The following SYT9 variants were observed in gnomAD, a reference collection of about 807,000 sequenced individuals.
SYT9 encodes the protein synaptotagmin-9.
Under a neutral mutation model 48.4 loss-of-function variants are expected in SYT9, and 22 were observed. The ratio of observed to expected loss-of-function variants is 0.45; its 90% CI spans 0.32 to 0.65. The LOEUF (loss-of-function observed/expected upper bound fraction) is 0.65, where lower values mean the gene tolerates loss of function less well. Among genes scored for constraint, SYT9 ranks in the 30% least tolerant of loss-of-function variants. The pLI, the probability that SYT9 is intolerant of heterozygous loss-of-function variation, is 0.03. For synonymous variants in SYT9, 265 were observed against 245.0 expected (o/e 1.08, Z -0.76); for missense variants, 577 against 622.0 (o/e 0.93, Z 0.77).
intron 1 of SYT9, among the ~76,000 whole-genome samples, chr11:7,272,387 C>T (rs1049197421): frequency 6.6e-6 from 1 of 152,112 alleles, no homozygotes; most frequent in Admixed American, 6.6e-5. Context: ...TTTCCTCCAC[C>T]CACCTTCTAG....
Position 7,416,101 on chromosome 11 carries a change from G to T in SYT9, c.1104G>T (p.Arg368Ser). Reference sequence around the variant, plus strand: ...TGTGCTATCTTCCAACGGCTGGCAGGCTGACCATTACCATTATAAAAGCAA... The same window carrying T: ...TGTGCTATCTTCCAACGGCTGGCAGTCTGACCATTACCATTATAAAAGCAA... ...FSLCYLPTAG[R>S]LTITIIKARN... is the part of the protein sequence containing the mutation. Residue 368 changes from arginine to serine, a missense_variant, in exon 4 of 7, where the codon AGG becomes AGT. Transcript: ENST00000318881. The T allele has an allele frequency of 6.2e-7, 1 of 1,614,162 alleles. No individual in the cohort carries two copies. The highest frequency in any genetic ancestry group is 8.5e-7 in the Non-Finnish European group (1 of 1,180,016).
intron 1 of SYT9, among the ~76,000 whole-genome samples, chr11:7,245,148 G>T (rs1324055031): frequency 6.6e-6 from 1 of 152,178 alleles, no homozygotes; most frequent in East Asian, 1.9e-4. Context: ...ATTTGAATTT[G>T]AATGCTGGCT....
chr11:7,464,172 G>C (rs1389521194), intron 6 of SYT9, among the ~76,000 whole-genome samples: 6 of 152,150 alleles, frequency 3.9e-5, no homozygotes, highest in Admixed American at 1.3e-4. Flanking sequence ...ACAGAACTGT[G>C]GGGGCAAACA....
chr11:7,330,855 C>T (rs973637963), intron 3 of SYT9, among the ~76,000 whole-genome samples: 12 of 152,134 alleles, frequency 7.9e-5, no homozygotes, highest in Non-Finnish European at 1.5e-4. Context: ...CACCACTACA[C>T]CTGGCTAATT....
intron 3 of SYT9, 89 bp from the exon 4 acceptor site, chr11:7,415,953 T>G (rs944798952): frequency 2.0e-6 from 3 of 1,518,664 alleles, no homozygotes; most frequent in Admixed American, 1.7e-5. Flanking sequence ...AGGGGCAGTG[T>G]GTTCCCTTTC....
chr11:7,379,724 C>T (rs1850525350), intron 3 of SYT9, among the ~76,000 whole-genome samples: 1 of 152,100 alleles, frequency 6.6e-6, no homozygotes. Flanking sequence ...ATGGTGGTTA[C>T]TCAACTGTCT....
intron 6 of SYT9, among the ~76,000 whole-genome samples, chr11:7,455,257 T>A (rs1848128711): frequency 6.6e-6 from 1 of 151,914 alleles, no homozygotes; most frequent in South Asian, 2.1e-4. Context: ...AGCACACATT[T>A]AATTGACTTT....
intron 3 of SYT9, among the ~76,000 whole-genome samples, chr11:7,363,679 T>C (rs1004642985): frequency 9.9e-5 from 15 of 151,932 alleles, no homozygotes; most frequent in African/African-American, 2.9e-4. Flanking sequence ...GCAAAGGAAA[T>C]TGAAAAGATA....
upstream of SYT9, among the ~76,000 whole-genome samples, chr11:7,247,610 T>C (rs559776192): frequency 6.8e-6 from 1 of 147,046 alleles, no homozygotes; most frequent in African/African-American, 2.5e-5. Context: ...TATATATACA[T>C]ATATACGTGT....
upstream of SYT9, among the ~76,000 whole-genome samples, chr11:7,250,559 C>T (rs1412291675): frequency 2.6e-5 from 4 of 151,736 alleles, no homozygotes; most frequent in African/African-American, 9.7e-5. Context: ...GCTCAACCTC[C>T]CCTACAGGCT....
Position 7,303,070 on chromosome 11 carries a change from C to G in SYT9, c.177C>G (p.Val59=). 1.2e-6 allele frequency: 2 copies of G among 1,614,182 alleles called. No homozygotes were observed. The highest frequency in any genetic ancestry group is 1.7e-6 in the Non-Finnish European group (2 of 1,180,030). The change falls in exon 2 of 7, where the codon GTC becomes GTG. Residue 59 remains valine (V), a synonymous_variant. Transcript: ENST00000318881. ...CAGTGAGCCTGCTGACCCTTGTGGT[C>G]ACTGCCTGTGGTCTCGCTCTCTTTG... ...DISVSLLTLV[V]TACGLALFGV...
chr11:7,397,716 C>A (rs924700796), intron 3 of SYT9, among the ~76,000 whole-genome samples: 2 of 152,114 alleles, frequency 1.3e-5, no homozygotes, highest in Non-Finnish European at 2.9e-5. Context: ...TAGTTTTCAG[C>A]ATATAGGTCT....
intron 3 of SYT9, among the ~76,000 whole-genome samples, chr11:7,354,666 T>G (rs1849982977): frequency 1.3e-5 from 2 of 152,184 alleles, no homozygotes; most frequent in Non-Finnish European, 2.9e-5. Flanking sequence ...TGTGCTTCTC[T>G]GTTCTTTCTA....
At chr11:7,408,277 T>C (rs1241269146) in intron 3 of SYT9, among the ~76,000 whole-genome samples, 1 of 152,092 alleles carries the variant, frequency 6.6e-6, no homozygotes, top group African/African-American at 2.4e-5. Context: ...TACAAGCATG[T>C]GCCACCATGC....
chr11:7,389,768 A>C (rs1346841080), intron 3 of SYT9, among the ~76,000 whole-genome samples: 1 of 152,168 alleles, frequency 6.6e-6, no homozygotes, highest in Non-Finnish European at 1.5e-5. Context: ...ACTTTTGGAG[A>C]AATTTCAGAA....
intron 4 of SYT9, 151 bp from the exon 5 acceptor site, chr11:7,417,806 A>C (rs933083786): frequency 2.2e-5 from 15 of 668,326 alleles, no homozygotes; most frequent in Non-Finnish European, 3.6e-5. Context: ...TGCTCCCCAG[A>C]TATCATATTA....
chr11:7,375,010 A>C (rs985309548), intron 3 of SYT9, among the ~76,000 whole-genome samples: 3 of 151,938 alleles, frequency 2.0e-5, no homozygotes, highest in African/African-American at 7.2e-5. Flanking sequence ...CTATGTCCTG[A>C]ATTATTGCCT....
intron 2 of SYT9, among the ~76,000 whole-genome samples, chr11:7,312,721 A>T (rs751392229): frequency 6.6e-6 from 1 of 152,174 alleles, no homozygotes. Flanking sequence ...ATTAGTGTTT[A>T]TTTCAGAAAT....
intron 3 of SYT9, among the ~76,000 whole-genome samples, chr11:7,341,218 A>G (rs560002420): frequency 2.0e-5 from 3 of 152,318 alleles, no homozygotes; most frequent in Admixed American, 2.0e-4. Flanking sequence ...TCCAGTCTCT[A>G]CACACCTCGG....
Sources: gnomAD v4.1 joint callset for allele counts (sites outside exome capture counted in the v4.1 genomes callset) on GRCh38, gnomAD v4.1.1 for gene constraint, MANE v1.5 for transcripts, NCBI Gene and HGNC (gene_info 2026-07-23, HGNC 2026-07-21) for gene names.